The following TBC1D8B variants were observed in gnomAD, a reference collection of about 807,000 sequenced individuals.
TBC1D8B encodes TBC1 domain family member 8B, also known as RP11-321G1.1.
In TBC1D8B, 75 loss-of-function variants were observed where a neutral mutation model predicts 82.9. The observed-to-expected ratio is 0.90, with a 90% CI of 0.75 to 1.10. TBC1D8B has a LOEUF of 1.10. Among genes scored for constraint, TBC1D8B ranks in the 50% least tolerant of loss-of-function variants. The pLI is 0.00. For missense variants in TBC1D8B, 794 were observed against 796.9 expected (o/e 1.00, Z 0.04); for synonymous variants, 276 against 276.8 (o/e 1.00, Z 0.03).
chrX:106,853,676 AT>A, intron 13 of TBC1D8B, 26 bp downstream of exon 13: 1 of 1,156,992 alleles, frequency 8.6e-7, no homozygotes. Context: ...CCATAAATAT[AT>A]TAGCTAGCAT....
chrX:106,851,840 C>G lies in TBC1D8B; in HGVS notation c.2123+1530C>G, dbSNP rs370188237. ...TGTTGGACATTTGGGGTGGTTCCAACTCTTTGCTATTGTGAATAGTGCCGC... is the reference window on the plus strand; with the variant it reads ...TGTTGGACATTTGGGGTGGTTCCAAGTCTTTGCTATTGTGAATAGTGCCGC... On this transcript the variant is annotated intron_variant, in intron 12 of 20. Coordinates refer to ENST00000357242, the MANE Select transcript of TBC1D8B (RefSeq NM_017752.3). Among the ~76,000 whole-genome samples, 117 of 111,621 alleles carry G rather than the reference C, an allele frequency of 1.0e-3. 2 individuals are homozygous for G. The highest frequency in any genetic ancestry group is 3.6e-3 in the African/African-American group (112 of 30,692).
At chrX:106,821,906 CTGTT>C in intron 3 of TBC1D8B, 67 bp from the exon 4 acceptor site, 1 of 874,635 alleles carries the variant, frequency 1.1e-6, no homozygotes, top group South Asian at 2.4e-5. Context: ...ATTCAATCAA[CTGTT>C]TGAATGTATG....
chrX:106,815,889 T>C (rs964108754), intron 1 of TBC1D8B: 7 of 111,168 alleles, frequency 6.3e-5, no homozygotes, highest in Admixed American at 2.9e-4. Context: ...CTCAATAAAT[T>C]AGGTATTGAT....
intron 16 of TBC1D8B, 64 bp downstream of exon 16, chrX:106,866,097 T>C (rs1932813665): frequency 9.2e-7 from 1 of 1,084,675 alleles, no homozygotes. Flanking sequence ...CTGCCTATTA[T>C]TGCCAATTTA....
intron 6 of TBC1D8B, among the ~76,000 whole-genome samples, chrX:106,826,691 C>A (rs769717014): frequency 2.8e-5 from 3 of 106,137 alleles, no homozygotes; most frequent in Non-Finnish European, 5.8e-5. Context: ...TTTGTCCTTG[C>A]GATAGTTTGC....
intron 10 of TBC1D8B, 42 bp from the exon 11 acceptor site, chrX:106,848,144 G>C (rs775587547): frequency 3.3e-6 from 3 of 918,390 alleles, no homozygotes; most frequent in African/African-American, 1.9e-5. Context: ...ATTATTACTT[G>C]AGCAATATTT....
At chrX:106,834,464 C>T (rs1932122763) in intron 7 of TBC1D8B, among the ~76,000 whole-genome samples, 1 of 110,707 alleles carries the variant, frequency 9.0e-6, no homozygotes, top group Admixed American at 9.6e-5. Flanking sequence ...CATATCATTC[C>T]ACCCCTGGCC....
intron 1 of TBC1D8B, among the ~76,000 whole-genome samples, chrX:106,806,642 T>G (rs907055982): frequency 1.8e-5 from 2 of 111,317 alleles, no homozygotes; most frequent in African/African-American, 6.5e-5. Context: ...TAGTCTTGAA[T>G]TTTCCATATC....
intron 14 of TBC1D8B, among the ~76,000 whole-genome samples, chrX:106,854,824 A>T (rs1473753931): frequency 1.8e-5 from 2 of 111,833 alleles, no homozygotes; most frequent in Non-Finnish European, 3.8e-5. Flanking sequence ...CCTGCAGCTC[A>T]GTGTTGAATG....
intron 10 of TBC1D8B, among the ~76,000 whole-genome samples, chrX:106,841,190 G>A (rs1252009216): frequency 1.8e-5 from 2 of 111,815 alleles, no homozygotes; most frequent in South Asian, 7.4e-4. Context: ...TAGACCAGGA[G>A]ACATTAAAGC....
chrX:106,813,670 A>G (rs2147723455), intron 1 of TBC1D8B, among the ~76,000 whole-genome samples: 1 of 111,931 alleles, frequency 8.9e-6, no homozygotes, highest in African/African-American at 3.2e-5. Context: ...TAATTCCTTT[A>G]TTTTGACAAA....
chrX:106,858,469 TCAC>T (rs1932739698), intron 14 of TBC1D8B, among the ~76,000 whole-genome samples: 1 of 111,952 alleles, frequency 8.9e-6, no homozygotes, highest in Admixed American at 9.5e-5. Context: ...AGACGGGGTT[TCAC>T]CACATTAGCC....
At chrX:106,807,267 A>G (rs1303190882) in intron 1 of TBC1D8B, among the ~76,000 whole-genome samples, 1 of 107,457 alleles carries the variant, frequency 9.3e-6, no homozygotes, top group African/African-American at 3.4e-5. Flanking sequence ...ATTTTGGCTT[A>G]TTAAAAAGAA....
chrX:106,851,490 G>T (rs375720835), intron 12 of TBC1D8B, among the ~76,000 whole-genome samples: 38 of 111,580 alleles, frequency 3.4e-4, no homozygotes, highest in African/African-American at 1.2e-3. Context: ...ATGTATACAT[G>T]TGCCATGTTG....
At chrX:106,820,054 C>A (rs1273776962) in intron 2 of TBC1D8B, among the ~76,000 whole-genome samples, 5 of 110,436 alleles carry the variant, frequency 4.5e-5, no homozygotes, top group African/African-American at 1.6e-4. Context: ...TTTGCAATGT[C>A]AACAAATTTT....
intron 7 of TBC1D8B, chrX:106,829,654 T>C (rs1435053874): frequency 9.5e-6 from 1 of 105,526 alleles, no homozygotes; most frequent in African/African-American, 3.6e-5. Flanking sequence ...CCTACAACTA[T>C]CTGATCTTTG....
chrX:106,818,889 AACTTT>A (rs1307178743), intron 2 of TBC1D8B, 116 bp downstream of exon 2: 9 of 525,652 alleles, frequency 1.7e-5, no homozygotes, highest in African/African-American at 2.4e-5. Flanking sequence ...TTAAATGTGC[AACTTT>A]ACTTTGAGAG....
At chrX:106,864,558 G>A (rs1044134471) in intron 14 of TBC1D8B, among the ~76,000 whole-genome samples, 2 of 83,229 alleles carry the variant, frequency 2.4e-5, no homozygotes, top group African/African-American at 9.7e-5. Flanking sequence ...TCACTCTGTC[G>A]CCCAGGCTGG....
At chrX:106,811,686 T>A (rs757576789) in intron 1 of TBC1D8B, among the ~76,000 whole-genome samples, 2 of 112,306 alleles carry the variant, frequency 1.8e-5, no homozygotes, top group East Asian at 5.6e-4. Context: ...ATTCATTTGC[T>A]ATCATATTTG....
Sources: allele counts gnomAD v4.1 joint callset (sites outside exome capture counted in the v4.1 genomes callset), GRCh38; gene constraint gnomAD v4.1.1; transcripts MANE v1.5; gene names NCBI Gene and HGNC (gene_info 2026-07-23, HGNC 2026-07-21).